The following NXPE2 variants were observed in gnomAD, a reference collection of about 807,000 sequenced individuals.
NXPE2 encodes neurexophilin and PC-esterase domain family member 2.
In NXPE2, 34 loss-of-function variants were observed where a neutral mutation model predicts 34.4. That is an observed-to-expected ratio of 0.99 (90% CI 0.75 to 1.31). The LOEUF (loss-of-function observed/expected upper bound fraction) is 1.31. Ranked by LOEUF, NXPE2 falls within the 40% of genes most tolerant of loss-of-function variation. The probability of loss-of-function intolerance (pLI) is 0.00; values close to 1 mark genes in which losing one functional copy is unlikely to be tolerated. For missense variants in NXPE2, 649 were observed against 672.5 expected, an observed-to-expected ratio of 0.97 and a Z score of 0.39; for synonymous variants, 235 against 231.3, an observed-to-expected ratio of 1.02 and a Z score of -0.15.
the NXPE2 span, among the ~76,000 whole-genome samples, chr11:114,601,428 T>C: frequency 8.3e-5 from 11 of 132,494 alleles, no homozygotes; most frequent in African/African-American, 3.1e-4. Flanking sequence ...AATTTTGTTC[T>C]TTTTAAATTT....
At chr11:114,797,567 C>G in the NXPE2 span, among the ~76,000 whole-genome samples, 1 of 152,170 alleles carries the variant, frequency 6.6e-6, no homozygotes, top group East Asian at 1.9e-4. Context: ...GCTCAGCACC[C>G]TTTCCCTCCA....
chr11:114,684,825 G>A, intron 2 of NXPE2, among the ~76,000 whole-genome samples: 1 of 152,186 alleles, frequency 6.6e-6, no homozygotes, highest in East Asian at 1.9e-4. Flanking sequence ...CACATGTTTG[G>A]CAGTGTGACA....
At chr11:114,776,834 A>G in the NXPE2 span, among the ~76,000 whole-genome samples, 3 of 152,348 alleles carry the variant, frequency 2.0e-5, no homozygotes, top group African/African-American at 7.2e-5. Flanking sequence ...GGTTCAGAGC[A>G]TTGTTAGTCT....
chr11:114,551,616 A>G, the NXPE2 span, among the ~76,000 whole-genome samples: 1 of 152,242 alleles, frequency 6.6e-6, no homozygotes, highest in Non-Finnish European at 1.5e-5. Flanking sequence ...ATTACAAAAC[A>G]TAATCTGTAA....
At chr11:114,730,151 A>C in the NXPE2 span, among the ~76,000 whole-genome samples, 1 of 152,070 alleles carries the variant, frequency 6.6e-6, no homozygotes. Context: ...ACCATTTATT[A>C]AATAGGGAGT....
intron 2 of NXPE2, among the ~76,000 whole-genome samples, chr11:114,693,874 AC>A (rs1350942134): frequency 2.6e-5 from 4 of 152,202 alleles, no homozygotes; most frequent in Admixed American, 6.5e-5. Flanking sequence ...ACAAATTACC[AC>A]AAATTTAGTG....
At chr11:114,546,812 C>T in the NXPE2 span, among the ~76,000 whole-genome samples, 9 of 152,036 alleles carry the variant, frequency 5.9e-5, no homozygotes, top group Non-Finnish European at 1.2e-4. Flanking sequence ...GCAAGAAATG[C>T]TCAAAAGAAG....
At chr11:114,565,352 T>C in the NXPE2 span, among the ~76,000 whole-genome samples, 1 of 152,180 alleles carries the variant, frequency 6.6e-6, no homozygotes, top group African/African-American at 2.4e-5. Context: ...TACATTCCAC[T>C]TACTCCCTGG....
the NXPE2 span, among the ~76,000 whole-genome samples, chr11:114,581,510 T>C: frequency 1.3e-3 from 191 of 152,292 alleles, 3 homozygotes; most frequent in East Asian, 0.032. Flanking sequence ...ACAAATAGAC[T>C]GATGATGAGA....
chr11:114,802,006 G>A, the NXPE2 span, among the ~76,000 whole-genome samples: 3 of 152,150 alleles, frequency 2.0e-5, no homozygotes, highest in African/African-American at 7.2e-5. Flanking sequence ...AACATAAGTG[G>A]TATTTAAAAC....
rs908502702 is a variant in NXPE2, at chr11:114,690,762, T to C, written c.133-7283T>C. ...TGATCACTTTACATAATCCCTTATT[T>C]CTCAAAGTCTTTGTTCATTTTTAAA... On this transcript the variant is annotated intron_variant, in intron 2 of 5. Transcript: ENST00000389586. Among the ~76,000 whole-genome samples, 3 of 152,266 alleles carry C rather than the reference T, an allele frequency of 2.0e-5. No individual in the cohort carries two copies. In the East Asian group the frequency reaches 5.8e-4, roughly 29 times the overall value.
chr11:114,586,504 T>A, the NXPE2 span, among the ~76,000 whole-genome samples: 2 of 152,198 alleles, frequency 1.3e-5, no homozygotes, highest in Non-Finnish European at 2.9e-5. Flanking sequence ...GCTACCAGCC[T>A]TACAAGACTC....
At chr11:114,538,569 A>C in the NXPE2 span, among the ~76,000 whole-genome samples, 1 of 152,232 alleles carries the variant, frequency 6.6e-6, no homozygotes. Context: ...CAATGAACTC[A>C]AACAAATTTA....
At chr11:114,594,362 A>T in the NXPE2 span, among the ~76,000 whole-genome samples, 1 of 152,178 alleles carries the variant, frequency 6.6e-6, no homozygotes, top group Non-Finnish European at 1.5e-5. Context: ...GAAAACCAAA[A>T]ATATAGATAT....
At chr11:114,605,261 G>A in the NXPE2 span, among the ~76,000 whole-genome samples, 2 of 151,838 alleles carry the variant, frequency 1.3e-5, no homozygotes, top group African/African-American at 4.8e-5. Context: ...ACAGCCTCGT[G>A]GGAAACCACT....
At chr11:114,632,399 A>G in the NXPE2 span, among the ~76,000 whole-genome samples, 28 of 133,122 alleles carry the variant, frequency 2.1e-4, no homozygotes, top group African/African-American at 3.8e-4. Flanking sequence ...AAATATAAAT[A>G]TACATATATA....
At chr11:114,468,118 T>G in the NXPE2 span, among the ~76,000 whole-genome samples, 1 of 146,484 alleles carries the variant, frequency 6.8e-6, no homozygotes, top group Non-Finnish European at 1.5e-5. Flanking sequence ...AATACTAATG[T>G]TAGCTGATGA....
intron 2 of NXPE2, among the ~76,000 whole-genome samples, chr11:114,688,399 C>T (rs1184947857): frequency 6.6e-6 from 1 of 152,032 alleles, no homozygotes. Flanking sequence ...TATTGATTTG[C>T]ATATGTTAAA....
At chr11:114,541,517 G>A in the NXPE2 span, among the ~76,000 whole-genome samples, 10 of 152,198 alleles carry the variant, frequency 6.6e-5, no homozygotes, top group Non-Finnish European at 1.0e-4. Flanking sequence ...ACCACGACAC[G>A]TGACACAGCC....
Sources: allele counts gnomAD v4.1 joint callset (sites outside exome capture counted in the v4.1 genomes callset), GRCh38; gene constraint gnomAD v4.1.1; transcripts MANE v1.5; gene names NCBI Gene and HGNC (gene_info 2026-07-23, HGNC 2026-07-21).